The following GABRB1 variants were observed in gnomAD, a reference collection of about 807,000 sequenced individuals.
The protein encoded by GABRB1 is gamma-aminobutyric acid type A receptor subunit beta1.
Under a neutral mutation model 51.6 loss-of-function variants are expected in GABRB1, and 17 were observed. The observed-to-expected ratio is 0.33, with a 90% CI of 0.23 to 0.49. GABRB1 has a LOEUF of 0.49. Ranked by LOEUF, GABRB1 falls within the 20% of genes least tolerant of loss-of-function variation. GABRB1 has a pLI of 0.99. For synonymous variants in GABRB1, 247 were observed against 218.9 expected (o/e 1.13, Z -1.14); for missense variants, 410 against 600.6 (o/e 0.68, Z 3.32).
chr4:47,224,628 A>G (rs180809301), intron 4 of GABRB1, among the ~76,000 whole-genome samples: 16 of 152,252 alleles, frequency 1.1e-4, no homozygotes, highest in African/African-American at 2.6e-4. Flanking sequence ...CTCTTGCTAA[A>G]CTGACTTAGT....
chr4:47,238,749 A>G (rs73247684), intron 4 of GABRB1, among the ~76,000 whole-genome samples: 3,400 of 152,364 alleles, frequency 0.022, 56 homozygotes, highest in Non-Finnish European at 0.037. Context: ...ATAGAATTCC[A>G]AAGTATAAAA....
intron 3 of GABRB1, among the ~76,000 whole-genome samples, chr4:47,073,368 A>G (rs1347705932): frequency 6.6e-6 from 1 of 152,200 alleles, no homozygotes; most frequent in Non-Finnish European, 1.5e-5. Flanking sequence ...TATTCTATTT[A>G]CTTGAGAAAA....
intron 4 of GABRB1, among the ~76,000 whole-genome samples, chr4:47,248,754 A>C (rs562604593): frequency 6.6e-6 from 1 of 152,092 alleles, no homozygotes; most frequent in Admixed American, 6.6e-5. Flanking sequence ...TTTTTCCAGG[A>C]AGTTATCCAT....
intron 3 of GABRB1, chr4:47,032,837 T>C: frequency 2.2e-6 from 1 of 451,424 alleles, no homozygotes; most frequent in African/African-American, 2.0e-5. Context: ...CGGCCTGCAC[T>C]AGGGTCCCCG....
At chr4:47,258,784 T>C (rs180784550) in intron 4 of GABRB1, among the ~76,000 whole-genome samples, 39 of 152,280 alleles carry the variant, frequency 2.6e-4, no homozygotes, top group African/African-American at 7.9e-4. Context: ...AGCTGTTAAA[T>C]TTATTTTCCT....
intron 3 of GABRB1, among the ~76,000 whole-genome samples, chr4:47,050,135 G>A (rs1290361138): frequency 2.0e-5 from 3 of 152,078 alleles, no homozygotes; most frequent in Non-Finnish European, 2.9e-5. Context: ...TCACATTCGG[G>A]CACACACAGG....
chr4:47,196,253 T>C (rs1719675905), intron 4 of GABRB1, among the ~76,000 whole-genome samples: 1 of 152,224 alleles, frequency 6.6e-6, no homozygotes, highest in Non-Finnish European at 1.5e-5. Flanking sequence ...AGAATTCTTG[T>C]AGGCTGGGAT....
chr4:47,166,971 T>C (rs1718218578), intron 4 of GABRB1, among the ~76,000 whole-genome samples: 1 of 152,148 alleles, frequency 6.6e-6, no homozygotes, highest in South Asian at 2.1e-4. Context: ...CAAATTGAAA[T>C]TCATAACTCT....
chr4:47,141,903 A>C (rs1326860765), intron 3 of GABRB1, among the ~76,000 whole-genome samples: 1 of 151,902 alleles, frequency 6.6e-6, no homozygotes, highest in Non-Finnish European at 1.5e-5. Context: ...CTCTATCACC[A>C]TACCCCCTCC....
chr4:47,144,449 C>T (rs918656049), intron 3 of GABRB1, among the ~76,000 whole-genome samples: 5 of 151,930 alleles, frequency 3.3e-5, no homozygotes, highest in African/African-American at 1.2e-4. Context: ...ATACCAATCA[C>T]AAAAGTGGTA....
chr4:47,218,902 A>G (rs1720659363), intron 4 of GABRB1, among the ~76,000 whole-genome samples: 1 of 151,892 alleles, frequency 6.6e-6, no homozygotes, highest in African/African-American at 2.4e-5. Context: ...CTAAGAATAC[A>G]TAGGCAAATA....
At chr4:47,001,196 A>T (rs183159109) in intron 1 of GABRB1, among the ~76,000 whole-genome samples, 3 of 152,194 alleles carry the variant, frequency 2.0e-5, no homozygotes, top group East Asian at 1.9e-4. Flanking sequence ...AGGCTGGAGT[A>T]CAGTGGCGCG....
chr4:47,018,530 C>T (rs1724814720), intron 1 of GABRB1, among the ~76,000 whole-genome samples: 1 of 152,082 alleles, frequency 6.6e-6, no homozygotes, highest in East Asian at 1.9e-4. Context: ...CCCTCACCCC[C>T]CAGGCAGTTG....
At chr4:47,207,193 T>C (rs1720167458) in intron 4 of GABRB1, among the ~76,000 whole-genome samples, 1 of 151,998 alleles carries the variant, frequency 6.6e-6, no homozygotes, top group Admixed American at 6.6e-5. Flanking sequence ...CATATAAGGT[T>C]AGCTCATTTA....
chr4:47,088,830 T>C (rs1298344050), intron 3 of GABRB1, among the ~76,000 whole-genome samples: 1 of 152,198 alleles, frequency 6.6e-6, no homozygotes, highest in African/African-American at 2.4e-5. Context: ...ATTCTAGCTA[T>C]AGTCAACCTT....
At position 47,403,244 on chromosome 4, in the gene GABRB1, T is replaced by C; in HGVS notation, c.545-74T>C. On this transcript the variant is annotated intron_variant, in intron 5 of 8. Transcript: ENST00000295454. ...TTACCACTTTTGTGCTGGGAATTTT[T>C]CCTCTAGCTCCCAGATGGTATTCAA... The C allele has an allele frequency of 1.9e-6, 3 of 1,545,544 alleles. No homozygotes were observed. The South Asian group carries it at 3.6e-5, about 18-fold the overall frequency.
chr4:47,286,611 A>G (rs1018324098), intron 4 of GABRB1, among the ~76,000 whole-genome samples: 3 of 152,180 alleles, frequency 2.0e-5, no homozygotes, highest in African/African-American at 7.2e-5. Context: ...AAAAAACTGT[A>G]TAAAACCTAT....
chr4:47,408,340 T>C (rs890297174), intron 8 of GABRB1, among the ~76,000 whole-genome samples: 2 of 152,120 alleles, frequency 1.3e-5, no homozygotes, highest in Non-Finnish European at 2.9e-5. Flanking sequence ...AGCAAGAGCA[T>C]AGTTAGTGAG....
chr4:47,310,825 A>G (rs1328869974), intron 4 of GABRB1, among the ~76,000 whole-genome samples: 5 of 152,142 alleles, frequency 3.3e-5, no homozygotes, highest in South Asian at 2.1e-4. Context: ...GGACCTGTAA[A>G]TATTCTACTT....
Sources: allele counts gnomAD v4.1 joint callset (sites outside exome capture counted in the v4.1 genomes callset), GRCh38; gene constraint gnomAD v4.1.1; transcripts MANE v1.5; gene names NCBI Gene and HGNC (gene_info 2026-07-23, HGNC 2026-07-21).